Variants in MEGF11 observed in about 807,000 individuals in gnomAD.
MEGF11 encodes the protein multiple epidermal growth factor-like domains protein 11.
A neutral mutation model predicts 146.6 loss-of-function variants in MEGF11; 126 were observed. That is an observed-to-expected ratio of 0.86 (90% CI 0.74 to 1.00). The LOEUF (loss-of-function observed/expected upper bound fraction) is 1.00, where lower values mean the gene tolerates loss of function less well. Among genes scored for constraint, MEGF11 ranks in the 50% least tolerant of loss-of-function variants. The pLI is 0.00. For synonymous variants in MEGF11, 532 were observed against 583.4 expected (o/e 0.91, Z 1.27); for missense variants, 1,509 against 1,521.2 (o/e 0.99, Z 0.13).
chr15:66,015,394 T>C (rs184840902), intron 5 of MEGF11, among the ~76,000 whole-genome samples: 85 of 152,372 alleles, frequency 5.6e-4, no homozygotes, highest in African/African-American at 1.9e-3. Flanking sequence ...AGATACACCA[T>C]CTAACCTCTT....
intron 1 of MEGF11, among the ~76,000 whole-genome samples, chr15:66,185,061 G>A (rs1325645550): frequency 6.6e-6 from 1 of 152,100 alleles, no homozygotes; most frequent in East Asian, 1.9e-4. Context: ...GGTCTGTTCT[G>A]CAGCCAACAC....
At chr15:66,222,499 C>G (rs117038271) in intron 1 of MEGF11, among the ~76,000 whole-genome samples, 1 of 152,148 alleles carries the variant, frequency 6.6e-6, no homozygotes, top group Non-Finnish European at 1.5e-5. Context: ...TTGTGTTTGC[C>G]TCCTACACAA....
chr15:66,092,715 C>T (rs994151725), intron 5 of MEGF11, among the ~76,000 whole-genome samples: 8 of 152,162 alleles, frequency 5.3e-5, no homozygotes, highest in South Asian at 4.1e-4. Context: ...AGCACAGTCC[C>T]GAGCATAGAG....
At chr15:65,900,539 G>A (rs1050202116) in intron 24 of MEGF11, among the ~76,000 whole-genome samples, 1 of 152,180 alleles carries the variant, frequency 6.6e-6, no homozygotes, top group African/African-American at 2.4e-5. Context: ...CCTCAATCTT[G>A]TACAAAAATA....
intron 1 of MEGF11, among the ~76,000 whole-genome samples, chr15:66,245,714 T>C (rs944365160): frequency 1.3e-5 from 2 of 152,122 alleles, no homozygotes; most frequent in Non-Finnish European, 2.9e-5. Context: ...GAGCAACATA[T>C]TGGATTTGCA....
At chr15:65,995,778 T>C (rs931836654) in intron 5 of MEGF11, among the ~76,000 whole-genome samples, 1 of 152,156 alleles carries the variant, frequency 6.6e-6, no homozygotes, top group Non-Finnish European at 1.5e-5. Context: ...ATGACTTCCT[T>C]ACTGGCAGAG....
intron 23 of MEGF11, chr15:65,906,627 C>G (rs1397265776): frequency 6.5e-6 from 1 of 153,838 alleles, no homozygotes; most frequent in Non-Finnish European, 1.4e-5. Flanking sequence ...TTTATCACCT[C>G]TCAGCTCTGG....
intron 5 of MEGF11, among the ~76,000 whole-genome samples, chr15:66,048,473 G>T (rs529919278): frequency 9.2e-5 from 14 of 152,374 alleles, no homozygotes; most frequent in African/African-American, 3.1e-4. Flanking sequence ...CAGCCCAGGG[G>T]CTCTGTGGGC....
chr15:65,959,324 CCCTGGTTTTCTCACAG>C (rs1392700360), intron 9 of MEGF11, among the ~76,000 whole-genome samples: 9 of 152,126 alleles, frequency 5.9e-5, no homozygotes, highest in African/African-American at 2.2e-4. Context: ...CTTCTAGGGA[CCCTGGTTTTCTCACAG>C]AAAATGAGGG....
chr15:66,064,354 G>A (rs1041416137), intron 5 of MEGF11, among the ~76,000 whole-genome samples: 4 of 152,048 alleles, frequency 2.6e-5, no homozygotes, highest in African/African-American at 9.7e-5. Flanking sequence ...GGGCAACAGA[G>A]CAAGACTCTG....
At chr15:65,928,303 G>T (rs768076453) in intron 13 of MEGF11, 122 bp downstream of exon 13, 1 of 571,556 alleles carries the variant, frequency 1.7e-6, no homozygotes, top group Non-Finnish European at 3.1e-6. Context: ...GCAGATAAAG[G>T]GAAAGATGCA....
chr15:65,984,154 A>T (rs2081761263), intron 5 of MEGF11, among the ~76,000 whole-genome samples: 1 of 152,148 alleles, frequency 6.6e-6, no homozygotes, highest in Admixed American at 6.5e-5. Context: ...GTCTCACCCT[A>T]TATTTTCCAC....
At chr15:66,190,068 G>A (rs1472888544) in intron 1 of MEGF11, among the ~76,000 whole-genome samples, 1 of 152,166 alleles carries the variant, frequency 6.6e-6, no homozygotes, top group Non-Finnish European at 1.5e-5. Context: ...GACGCTTTCA[G>A]AACTCCTGAA....
At chr15:65,965,616 T>TCTTTCTTTCTTTCTTTC (rs1567180156) in intron 8 of MEGF11, among the ~76,000 whole-genome samples, 10 of 115,450 alleles carry the variant, frequency 8.7e-5, no homozygotes, top group Non-Finnish European at 1.6e-4. Flanking sequence ...TTTTTTTCTT[T>TCTTTCTTTCTTTCTTTC]TTTTTTTTTT....
chr15:66,217,444 T>C (rs777843941), intron 1 of MEGF11, among the ~76,000 whole-genome samples: 5 of 152,242 alleles, frequency 3.3e-5, no homozygotes, highest in Non-Finnish European at 7.3e-5. Context: ...AGGCTTGTGA[T>C]AAGAACTGAC....
chr15:65,918,673 T>C (rs945928466), intron 15 of MEGF11, among the ~76,000 whole-genome samples: 10 of 152,328 alleles, frequency 6.6e-5, no homozygotes, highest in African/African-American at 2.4e-4. Flanking sequence ...AAGAAAGCCC[T>C]CCTGAGTTCA....
At chr15:66,085,368 C>T (rs1176322347) in intron 5 of MEGF11, among the ~76,000 whole-genome samples, 1 of 152,190 alleles carries the variant, frequency 6.6e-6, no homozygotes, top group African/African-American at 2.4e-5. Context: ...AAGAGGCCAA[C>T]CAGCACAAAA....
rs149726045 is a variant in MEGF11 at position 66,178,605 on chromosome 15, C to G, written c.-8-50194G>C. On this transcript the variant is annotated intron_variant, in intron 1 of 25. Transcript: ENST00000395614. ...GGACCTAGGTAAGACAAGCAGGTGC[C>G]TAGGGCAGCATTTAAGGAAGCCCGC... Among the ~76,000 whole-genome samples the G allele has an allele frequency of 2.7e-3, 410 of 152,296 alleles. 3 individuals are homozygous for G. The highest frequency in any genetic ancestry group is 4.0e-3 in the Non-Finnish European group (272 of 68,038).
chr15:66,081,986 G>T (rs1325510824), intron 5 of MEGF11, among the ~76,000 whole-genome samples: 2 of 152,160 alleles, frequency 1.3e-5, no homozygotes, highest in African/African-American at 2.4e-5. Flanking sequence ...GAGAAGGCAG[G>T]CCCTCGCCAG....
Sources: gnomAD v4.1 joint callset for allele counts (sites outside exome capture counted in the v4.1 genomes callset) on GRCh38, gnomAD v4.1.1 for gene constraint, MANE v1.5 for transcripts, NCBI Gene and HGNC (gene_info 2026-07-23, HGNC 2026-07-21) for gene names.